Variants in PRMT9 observed in about 807,000 individuals in gnomAD.
The protein encoded by PRMT9 is protein arginine methyltransferase 9, also known as protein arginine N-methyltransferase 9.
Under a neutral mutation model 83.2 loss-of-function variants are expected in PRMT9, and 59 were observed. The ratio of observed to expected loss-of-function variants is 0.71; its 90% CI spans 0.57 to 0.88. PRMT9 has a LOEUF of 0.88. Ranked by LOEUF, PRMT9 falls within the 40% of genes least tolerant of loss-of-function variation. The pLI is 0.00. For synonymous variants in PRMT9, 333 were observed against 353.2 expected (o/e 0.94, Z 0.64); for missense variants, 947 against 1,021.9 (o/e 0.93, Z 1.00).
At chr4:147,644,868 G>A (rs887217747) in intron 9 of PRMT9, among the ~76,000 whole-genome samples, 4 of 152,184 alleles carry the variant, frequency 2.6e-5, no homozygotes, top group Non-Finnish European at 1.5e-5. Flanking sequence ...GGAGGTGGAG[G>A]ATACTTTAAA....
intron 8 of PRMT9, 83 bp downstream of exon 8, chr4:147,657,709 C>T (rs1734613312): frequency 9.4e-7 from 1 of 1,065,370 alleles, no homozygotes; most frequent in Admixed American, 2.0e-5. Context: ...CCTTCATATC[C>T]AAAGTAATTT....
chr4:147,680,152 A>G (rs1426801893), intron 2 of PRMT9, among the ~76,000 whole-genome samples, 171 bp downstream of exon 2: 1 of 152,270 alleles, frequency 6.6e-6, no homozygotes, highest in Non-Finnish European at 1.5e-5. Flanking sequence ...ATTATGCCGT[A>G]TATTACAAAA....
chr4:147,670,829 G>C, intron 4 of PRMT9, 86 bp from the exon 5 acceptor site: 1 of 868,312 alleles, frequency 1.2e-6, no homozygotes, highest in Non-Finnish European at 1.9e-6. Flanking sequence ...GAAAGGAAGA[G>C]TATATTATAG....
chr4:147,646,026 T>G (rs979506880), intron 9 of PRMT9, among the ~76,000 whole-genome samples: 1 of 152,218 alleles, frequency 6.6e-6, no homozygotes, highest in South Asian at 2.1e-4. Flanking sequence ...TTTGTCATAA[T>G]AGGTAGTCTG....
At position 147,654,600 on chromosome 4, in the gene PRMT9, G is replaced by T. The variant is rs756239657; in HGVS notation, c.1331-34C>A. 6 of 1,370,802 alleles carry T rather than the reference G, an allele frequency of 4.4e-6. No homozygotes were observed. The South Asian group carries it at 7.0e-5, about 16-fold the overall frequency. The allele number at this position is 1,370,802 out of a possible 1,614,324, so 84.9% of individuals were successfully genotyped here. The stretch of plus-strand genomic sequence containing the variant: ...AATAGTAAGGAAGAAAAAAAATATG[G>T]AGTACTTATAAGCCAGAGGATCACA... On this transcript the variant is annotated intron_variant, in intron 8 of 11. Coordinates refer to ENST00000322396, the MANE Select transcript of PRMT9 (RefSeq NM_138364.4).
In PRMT9 at chr4:147,638,655, T is replaced by C. The variant is rs1733167481; in HGVS notation, c.2415A>G (p.Glu805=). The change falls in exon 12 of 12, where the codon GAA becomes GAG. Residue 805 remains glutamate (E), a synonymous_variant. Transcript: ENST00000322396. ...CTGCAGCTTGTTTCCAGTGGGAGGCTTCACTTGAAGTATCCAACCTAATCT... is the reference window on the plus strand; with the variant it reads ...CTGCAGCTTGTTTCCAGTGGGAGGCCTCACTTGAAGTATCCAACCTAATCT... The part of the protein sequence containing the change: ...DEEIRLDTSS[E]ASHWKQAAVV... 4 of 1,613,532 alleles carry C rather than the reference T, an allele frequency of 2.5e-6. No individual in the cohort carries two copies. Among genetic ancestry groups the C allele is most frequent in the Non-Finnish European group, 3.4e-6 (4 of 1,179,514 alleles).
At chr4:147,673,406 A>T (rs1400858444) in intron 3 of PRMT9, among the ~76,000 whole-genome samples, 1 of 152,194 alleles carries the variant, frequency 6.6e-6, no homozygotes, top group East Asian at 1.9e-4. Context: ...ATGTTAACAT[A>T]AAAAAGACTC....
intron 6 of PRMT9, among the ~76,000 whole-genome samples, chr4:147,663,359 G>T (rs1433680260): frequency 6.6e-6 from 1 of 150,894 alleles, no homozygotes. Context: ...AAACAAAAAA[G>T]ATGTGACAAT....
chr4:147,664,375 C>T (rs1735175719), intron 6 of PRMT9, among the ~76,000 whole-genome samples: 1 of 152,186 alleles, frequency 6.6e-6, no homozygotes, highest in South Asian at 2.1e-4. Context: ...CTTTAATCTC[C>T]TTTCATCTTA....
At chr4:147,656,439 C>T (rs745916909) in intron 8 of PRMT9, among the ~76,000 whole-genome samples, 1 of 151,982 alleles carries the variant, frequency 6.6e-6, no homozygotes. Flanking sequence ...ACTACAAGCA[C>T]TTGCCACCAT....
rs892524783 is a variant in PRMT9, at chr4:147,663,163, C to T, written c.954-2125G>A. On this transcript the variant is annotated intron_variant, in intron 6 of 11. Transcript: ENST00000322396. ...GGCTGGGACTACAGGCGCCTGCCAC[C>T]ACGCCTGGCTACTTTTTTGTATTTT... is the stretch of plus-strand genomic sequence containing the variant. Among the ~76,000 whole-genome samples, 4 of 152,072 alleles carry T rather than the reference C, an allele frequency of 2.6e-5. No homozygotes were observed. In the South Asian group the frequency reaches 8.3e-4, roughly 32 times the overall value.
intron 9 of PRMT9, among the ~76,000 whole-genome samples, chr4:147,645,883 C>G (rs1460022940): frequency 1.3e-5 from 2 of 152,182 alleles, no homozygotes; most frequent in Non-Finnish European, 2.9e-5. Flanking sequence ...GATAATCTCT[C>G]TTTACCCACT....
At chr4:147,638,894 A>G in intron 11 of PRMT9, 66 bp downstream of exon 11, 2 of 1,458,560 alleles carry the variant, frequency 1.4e-6, no homozygotes, top group Non-Finnish European at 9.6e-7. Context: ...GTATAAAAGT[A>G]TTACCTAATT....
chr4:147,664,528 G>C (rs1032631275), intron 6 of PRMT9, among the ~76,000 whole-genome samples: 1 of 152,112 alleles, frequency 6.6e-6, no homozygotes, highest in Non-Finnish European at 1.5e-5. Flanking sequence ...TTTGGATGTG[G>C]TACTATATAA....
At position 147,673,048 on chromosome 4, in the gene PRMT9, A is replaced by G. The variant is rs1735836574; in HGVS notation, c.654T>C (p.Asp218=). Residue 218 remains aspartate, a synonymous_variant, in exon 4 of 12, where the codon GAT becomes GAC. Coordinates refer to ENST00000322396, the MANE Select transcript of PRMT9 (RefSeq NM_138364.4). The part of the protein sequence containing the change: ...LSKTMYELAC[D]VVAANKMEAG... The stretch of plus-strand genomic sequence containing the variant: ...CTTCCATCTTGTTTGCTGCCACGAC[A>G]TCACAGGCAAGTTCATACATGGTCT... The G allele has an allele frequency of 1.2e-6, 2 of 1,613,970 alleles. No individual in the cohort carries two copies. The highest frequency in any genetic ancestry group is 1.7e-6 in the Non-Finnish European group (2 of 1,179,888).
At chr4:147,655,909 G>A (rs1734453599) in intron 8 of PRMT9, among the ~76,000 whole-genome samples, 2 of 152,242 alleles carry the variant, frequency 1.3e-5, no homozygotes, top group Admixed American at 6.5e-5. Flanking sequence ...ATCTGTCTAA[G>A]TTACTACAGG....
Position 147,638,946 on chromosome 4 carries a change from CA to C in PRMT9, c.2322+13del. The stretch of plus-strand genomic sequence containing the variant: ...AACAATAACAAACGAAATCATTTTG[CA>C]TGTTGTCCTTACCTTTACTTCTCTG... On this transcript the variant is annotated intron_variant, in intron 11 of 11. Transcript: ENST00000322396. 1 of 1,608,012 alleles carries C rather than the reference CA, an allele frequency of 6.2e-7. No homozygotes were observed. The highest frequency in any genetic ancestry group is 2.2e-5 in the East Asian group (1 of 44,740).
chr4:147,667,523 T>G (rs1735423480), intron 6 of PRMT9, among the ~76,000 whole-genome samples: 1 of 152,234 alleles, frequency 6.6e-6, no homozygotes, highest in Non-Finnish European at 1.5e-5. Flanking sequence ...ACTGTCTGGT[T>G]AGTGCCCTGT....
intron 8 of PRMT9, among the ~76,000 whole-genome samples, chr4:147,656,990 T>C (rs1734551849): frequency 6.6e-6 from 1 of 151,182 alleles, no homozygotes. Context: ...ATCGAATCAC[T>C]GTAAAAAAAA....
Sources: gnomAD v4.1 joint callset for allele counts (sites outside exome capture counted in the v4.1 genomes callset) on GRCh38, gnomAD v4.1.1 for gene constraint, MANE v1.5 for transcripts, NCBI Gene and HGNC (gene_info 2026-07-23, HGNC 2026-07-21) for gene names.